The following ST8SIA6 variants were observed in gnomAD, a reference collection of about 807,000 sequenced individuals.
The protein encoded by ST8SIA6 is ST8 alpha-N-acetyl-neuraminide alpha-2,8-sialyltransferase 6.
Under a neutral mutation model 33.6 loss-of-function variants are expected in ST8SIA6, and 39 were observed. That is an observed-to-expected ratio of 1.16 (90% CI 0.90 to 1.52). The LOEUF (loss-of-function observed/expected upper bound fraction) is 1.52. ST8SIA6 is among the 40% of genes most tolerant of loss of function. The pLI is 0.00. For synonymous variants in ST8SIA6, 172 were observed against 167.2 expected, an observed-to-expected ratio of 1.03 and a Z score of -0.22; for missense variants, 441 against 443.8, an observed-to-expected ratio of 0.99 and a Z score of 0.06.
chr10:17,324,652 CTG>C (rs1228162283), intron 6 of ST8SIA6, among the ~76,000 whole-genome samples: 1 of 149,840 alleles, frequency 6.7e-6, no homozygotes, highest in Non-Finnish European at 1.5e-5. Context: ...TCTAAAATGC[CTG>C]TGTTTCTAGA....
chr10:17,453,487 C>T lies in ST8SIA6; in HGVS notation c.200+72G>A, dbSNP rs950909904. ...CTGCCTACTCCCAACGAGTCCAAGCCGGTGCAGCCGCGCCCCATGCCCGGC... is the reference window on the plus strand; with the variant it reads ...CTGCCTACTCCCAACGAGTCCAAGCTGGTGCAGCCGCGCCCCATGCCCGGC... On this transcript the variant is annotated intron_variant, in intron 2 of 7. Transcript: ENST00000377602. 3 of 1,170,894 alleles carry T rather than the reference C, an allele frequency of 2.6e-6. No homozygotes were observed. In the Admixed American group the frequency reaches 1.3e-4, roughly 49 times the overall value. 72.5% of individuals were successfully genotyped at this position (1,170,894 alleles called of 1,614,324 possible). A position where few individuals can be genotyped will look rare whatever the true frequency, so the allele number is the denominator to read the frequency against.
rs71825965 is a variant in ST8SIA6, at chr10:17,397,240, T to TG, written c.201-6621_201-6620insC. 7.7e-3 allele frequency among the ~76,000 whole-genome samples: 1,138 copies of TG among 146,840 alleles called. 28 individuals are homozygous for TG. The highest frequency in any genetic ancestry group is 0.027 in the African/African-American group (1,087 of 39,978). ...GTTTGCAAATTGTTTTTTGTTTTTT[T>TG]TTTTTTTTTTGAGACGAAGTCTCAC... is the stretch of plus-strand genomic sequence containing the variant. On this transcript the variant is annotated intron_variant, in intron 2 of 7. Transcript: ENST00000377602.
chr10:17,328,484 C>G (rs1352905960), intron 5 of ST8SIA6, among the ~76,000 whole-genome samples: 3 of 152,164 alleles, frequency 2.0e-5, no homozygotes, highest in African/African-American at 7.2e-5. Flanking sequence ...GGTCACTTTC[C>G]ATGAAGTAAT....
intron 3 of ST8SIA6, among the ~76,000 whole-genome samples, chr10:17,372,631 A>G (rs772448086): frequency 2.6e-5 from 4 of 152,236 alleles, no homozygotes; most frequent in Non-Finnish European, 5.9e-5. Flanking sequence ...GACTATCACT[A>G]TTGATTATTA....
chr10:17,387,967 C>T (rs1285723587), intron 3 of ST8SIA6, among the ~76,000 whole-genome samples: 5 of 152,194 alleles, frequency 3.3e-5, no homozygotes, highest in Admixed American at 1.3e-4. Flanking sequence ...TTTTCTGTGT[C>T]GACCTGACTG....
At chr10:17,454,000 C>T (rs1360459644) in intron 1 of ST8SIA6, among the ~76,000 whole-genome samples, 155 bp downstream of exon 1, 1 of 152,066 alleles carries the variant, frequency 6.6e-6, no homozygotes, top group African/African-American at 2.4e-5. Flanking sequence ...CGACCCCCTC[C>T]CCCACTCCAC....
At chr10:17,423,142 C>G (rs930190904) in intron 2 of ST8SIA6, among the ~76,000 whole-genome samples, 58 of 152,134 alleles carry the variant, frequency 3.8e-4, no homozygotes, top group South Asian at 2.1e-4. Flanking sequence ...GCCAAATTAG[C>G]AAGTAATTAG....
chr10:17,435,627 C>T (rs1040167508), intron 2 of ST8SIA6, among the ~76,000 whole-genome samples: 1 of 145,844 alleles, frequency 6.9e-6, no homozygotes, highest in Non-Finnish European at 1.5e-5. Context: ...CCATAGATCA[C>T]AGGGACTCCC....
chr10:17,362,593 G>A (rs979776727), intron 3 of ST8SIA6, among the ~76,000 whole-genome samples: 4 of 152,116 alleles, frequency 2.6e-5, no homozygotes, highest in Non-Finnish European at 5.9e-5. Context: ...ATTTAATTAT[G>A]ACTTTACATG....
At chr10:17,355,329 T>G (rs1849156983) in intron 4 of ST8SIA6, among the ~76,000 whole-genome samples, 1 of 152,230 alleles carries the variant, frequency 6.6e-6, no homozygotes, top group African/African-American at 2.4e-5. Flanking sequence ...GTATTTCAGA[T>G]GCAGGATTTC....
chr10:17,331,063 C>G (rs765050027), intron 5 of ST8SIA6, among the ~76,000 whole-genome samples: 3 of 152,142 alleles, frequency 2.0e-5, no homozygotes, highest in African/African-American at 7.2e-5. Flanking sequence ...GATTTAGTCA[C>G]CATAACTGAC....
chr10:17,386,767 G>A (rs1850369744), intron 3 of ST8SIA6, among the ~76,000 whole-genome samples: 1 of 152,116 alleles, frequency 6.6e-6, no homozygotes, highest in Non-Finnish European at 1.5e-5. Flanking sequence ...GGACGGGCAG[G>A]GGTTTTACAG....
chr10:17,448,613 G>GTTGTTGTTT lies in ST8SIA6; in HGVS notation c.200+4945_200+4946insAAACAACAA, dbSNP rs1439450421. Among the ~76,000 whole-genome samples, 1,291 of 151,098 alleles carry GTTGTTGTTT rather than the reference G, an allele frequency of 8.5e-3. 15 individuals carry two copies. The highest frequency in any genetic ancestry group is 0.03 in the African/African-American group (1,231 of 40,942). Reference sequence around the variant, plus strand: ...GGTTTTTATTGTTGTTGTTGTTCTTGTTGTTGTTGTTGTTGTTTTTGAGAC... The same window carrying GTTGTTGTTT: ...GGTTTTTATTGTTGTTGTTGTTCTTGTTGTTGTTTTTGTTGTTGTTGTTGTTTTTGAGAC... On this transcript the variant is annotated intron_variant, in intron 2 of 7. Transcript: ENST00000377602.
At chr10:17,399,779 G>A (rs764257401) in intron 2 of ST8SIA6, among the ~76,000 whole-genome samples, 15 of 151,930 alleles carry the variant, frequency 9.9e-5, no homozygotes, top group Non-Finnish European at 1.9e-4. Context: ...TTAGCCAGAT[G>A]TGGTGGTGTG....
At chr10:17,440,313 C>G (rs1282296785) in intron 2 of ST8SIA6, among the ~76,000 whole-genome samples, 1 of 151,158 alleles carries the variant, frequency 6.6e-6, no homozygotes, top group Non-Finnish European at 1.5e-5. Context: ...TCAAGCAATT[C>G]TCCTGCCTCA....
chr10:17,421,837 G>T (rs577522944), intron 2 of ST8SIA6, among the ~76,000 whole-genome samples: 1,720 of 152,288 alleles, frequency 0.011, 12 homozygotes, highest in Middle Eastern at 0.024. Context: ...AAAGTACTGG[G>T]ATAATAGGCA....
At chr10:17,369,602 A>G (rs1048239922) in intron 3 of ST8SIA6, among the ~76,000 whole-genome samples, 3 of 152,116 alleles carry the variant, frequency 2.0e-5, no homozygotes, top group African/African-American at 7.2e-5. Flanking sequence ...AGGGTCTTCT[A>G]TTTCCATGAT....
At chr10:17,327,859 A>G (rs980677187) in intron 5 of ST8SIA6, among the ~76,000 whole-genome samples, 11 of 152,046 alleles carry the variant, frequency 7.2e-5, no homozygotes, top group Admixed American at 7.2e-4. Context: ...GTGAGCCATG[A>G]TTGCACCACT....
chr10:17,321,358 A>G lies in ST8SIA6; in HGVS notation c.729-12T>C. On this transcript the variant is annotated splice_polypyrimidine_tract_variant and intron_variant, in intron 7 of 7. Coordinates refer to ENST00000377602, the MANE Select transcript of ST8SIA6 (RefSeq NM_001004470.3). ...TTAAGTTCCCATATCTGCCAAATTA[A>G]AAAAAAATTATAGTAATCCCAAGAA... The G allele has an allele frequency of 6.4e-7, 1 of 1,568,612 alleles. No homozygotes were observed. Among genetic ancestry groups the G allele is most frequent in the African/African-American group, 1.4e-5 (1 of 72,266 alleles).
Sources: gnomAD v4.1 joint callset for allele counts (sites outside exome capture counted in the v4.1 genomes callset) on GRCh38, gnomAD v4.1.1 for gene constraint, MANE v1.5 for transcripts, NCBI Gene and HGNC (gene_info 2026-07-23, HGNC 2026-07-21) for gene names.